Variants in ATL1 observed in about 807,000 individuals in gnomAD.
ATL1 encodes atlastin-1.
ATL1 carries 31 observed loss-of-function variants against 75.5 expected under a neutral mutation model. The observed-to-expected ratio is 0.41, with a 90% CI of 0.31 to 0.55. ATL1 has a LOEUF of 0.55. Among genes scored for constraint, ATL1 ranks in the 20% least tolerant of loss-of-function variants. The pLI is 0.27. For missense variants in ATL1, 405 were observed against 662.6 expected, an observed-to-expected ratio of 0.61 and a Z score of 4.27; for synonymous variants, 226 against 233.3, an observed-to-expected ratio of 0.97 and a Z score of 0.28.
At chr14:50,561,623 G>T (rs145224176) in intron 1 of ATL1, among the ~76,000 whole-genome samples, 1 of 152,060 alleles carries the variant, frequency 6.6e-6, no homozygotes, top group South Asian at 2.1e-4. Context: ...CACAGGATAC[G>T]GTAGACAAGG....
intron 7 of ATL1, among the ~76,000 whole-genome samples, chr14:50,613,829 T>G (rs1028800358): frequency 6.6e-6 from 1 of 152,194 alleles, no homozygotes; most frequent in Admixed American, 6.5e-5. Flanking sequence ...TCTCTGAACT[T>G]ATTAGGTTTA....
At chr14:50,595,162 C>T (rs757706931) in intron 5 of ATL1, among the ~76,000 whole-genome samples, 6 of 152,082 alleles carry the variant, frequency 3.9e-5, no homozygotes, top group Non-Finnish European at 8.8e-5. Flanking sequence ...ATATATCCTA[C>T]ATAGTTTACA....
intron 2 of ATL1, among the ~76,000 whole-genome samples, 159 bp from the exon 3 acceptor site, chr14:50,590,782 T>C (rs922128662): frequency 2.0e-5 from 3 of 152,184 alleles, no homozygotes; most frequent in Non-Finnish European, 4.4e-5. Context: ...CCTCTGTAAT[T>C]ATTTTTTGGA....
upstream of ATL1, among the ~76,000 whole-genome samples, chr14:50,555,484 G>A (rs1269988270): frequency 6.6e-6 from 1 of 152,008 alleles, no homozygotes; most frequent in African/African-American, 2.4e-5. Context: ...GGGTTTCACC[G>A]TGTTGCCCAG....
intron 1 of ATL1, chr14:50,560,575 T>C: frequency 2.0e-6 from 1 of 509,422 alleles, no homozygotes; most frequent in Non-Finnish European, 3.6e-6. Context: ...CCTCCCAGCA[T>C]TTGGACAGCA....
chr14:50,614,332 T>G, intron 7 of ATL1, 41 bp from the exon 8 acceptor site: 1 of 1,610,314 alleles, frequency 6.2e-7, no homozygotes, highest in Non-Finnish European at 8.5e-7. Context: ...TTGCATAATT[T>G]GTGATGAAAG....
chr14:50,571,412 G>A (rs2038954124), intron 1 of ATL1, among the ~76,000 whole-genome samples: 1 of 152,036 alleles, frequency 6.6e-6, no homozygotes, highest in African/African-American at 2.4e-5. Flanking sequence ...GCTTATCCCT[G>A]GAAGTTTCAA....
intron 1 of ATL1, among the ~76,000 whole-genome samples, chr14:50,562,477 A>G (rs141839072): frequency 1.3e-5 from 2 of 152,356 alleles, no homozygotes; most frequent in Non-Finnish European, 1.5e-5. Flanking sequence ...TTTGGAATCA[A>G]TAGATCTGAA....
chr14:50,582,223 G>A (rs893186869), intron 1 of ATL1, among the ~76,000 whole-genome samples: 2 of 151,566 alleles, frequency 1.3e-5, no homozygotes, highest in African/African-American at 4.8e-5. Context: ...AGGTTGCAGT[G>A]AGCCGAGATC....
Position 50,564,457 on chromosome 14 carries a change from G to A in ATL1, c.34+4158G>A, listed in dbSNP as rs867230264. Among the ~76,000 whole-genome samples, 40 of 151,986 alleles carry A rather than the reference G, an allele frequency of 2.6e-4. No homozygotes were observed. The Middle Eastern group carries it at 0.01, about 39-fold the overall frequency. The stretch of plus-strand genomic sequence containing the variant: ...GAGGTCAGGAGATGGAGACCATCCT[G>A]GCTGACACGGTGAAACCCCGTCTCT... On this transcript the variant is annotated intron_variant, in intron 1 of 13. Transcript: ENST00000358385.
chr14:50,627,731 A>G (rs1163758620), intron 11 of ATL1, among the ~76,000 whole-genome samples: 1 of 152,200 alleles, frequency 6.6e-6, no homozygotes, highest in Non-Finnish European at 1.5e-5. Context: ...CTCAGTTTGC[A>G]CTTCATGTTG....
chr14:50,591,454 A>C, intron 3 of ATL1, 81 bp from the exon 4 acceptor site: 1 of 922,110 alleles, frequency 1.1e-6, no homozygotes, highest in Non-Finnish European at 1.8e-6. Flanking sequence ...GGTTTGCTTT[A>C]GTTCTTATAT....
At chr14:50,566,322 C>T (rs1277520295) in intron 1 of ATL1, among the ~76,000 whole-genome samples, 2 of 152,080 alleles carry the variant, frequency 1.3e-5, no homozygotes, top group Non-Finnish European at 2.9e-5. Context: ...TTACCCTCTC[C>T]AAAGGTAAAC....
intron 1 of ATL1, among the ~76,000 whole-genome samples, chr14:50,575,664 A>T (rs977955326): frequency 1.3e-5 from 2 of 152,272 alleles, no homozygotes; most frequent in South Asian, 2.1e-4. Flanking sequence ...TTGCCAAGAG[A>T]TAGTTTCCTT....
chr14:50,601,785 C>T (rs2039274296), intron 6 of ATL1, among the ~76,000 whole-genome samples: 1 of 152,072 alleles, frequency 6.6e-6, no homozygotes, highest in South Asian at 2.1e-4. Context: ...TAACTAGGTT[C>T]TTTATATTAG....
intron 10 of ATL1, among the ~76,000 whole-genome samples, chr14:50,622,397 G>T (rs2039475888): frequency 6.6e-6 from 1 of 152,076 alleles, no homozygotes; most frequent in Non-Finnish European, 1.5e-5. Context: ...GCCGGGCGTG[G>T]TGGCTCATGC....
At chr14:50,537,657 A>G (rs1475080759) in intron 1 of ATL1, among the ~76,000 whole-genome samples, 1 of 152,220 alleles carries the variant, frequency 6.6e-6, no homozygotes, top group African/African-American at 2.4e-5. Context: ...ATGGGAACCA[A>G]CCTCTTGCAT....
At chr14:50,574,977 T>A (rs1676863651) in intron 1 of ATL1, among the ~76,000 whole-genome samples, 1 of 84,570 alleles carries the variant, frequency 1.2e-5, no homozygotes, top group Non-Finnish European at 2.5e-5. Flanking sequence ...ATATATATAT[T>A]AGCTTTTACT....
At chr14:50,602,482 C>G (rs1425377521) in intron 6 of ATL1, among the ~76,000 whole-genome samples, 1 of 152,124 alleles carries the variant, frequency 6.6e-6, no homozygotes, top group Non-Finnish European at 1.5e-5. Context: ...ATTATGTAGG[C>G]TATGAAGAAA....
Sources: allele counts gnomAD v4.1 joint callset (sites outside exome capture counted in the v4.1 genomes callset), GRCh38; gene constraint gnomAD v4.1.1; transcripts MANE v1.5; gene names NCBI Gene and HGNC (gene_info 2026-07-23, HGNC 2026-07-21).